DENND2A: variants seen among roughly 807,000 people sequenced by gnomAD.
DENND2A encodes DENN domain containing 2A.
In DENND2A, 53 loss-of-function variants were observed where a neutral mutation model predicts 105.3. The observed-to-expected ratio is 0.50, with a 90% CI of 0.40 to 0.63. The LOEUF (loss-of-function observed/expected upper bound fraction) is 0.63. DENND2A is among the 30% of genes least tolerant of loss of function. The pLI is 0.00. For missense variants in DENND2A, 1,138 were observed against 1,279.6 expected, an observed-to-expected ratio of 0.89 and a Z score of 1.69; for synonymous variants, 522 against 508.4, an observed-to-expected ratio of 1.03 and a Z score of -0.36.
intron 9 of DENND2A, among the ~76,000 whole-genome samples, chr7:140,566,007 A>C (rs992077856): frequency 9.2e-5 from 14 of 152,330 alleles, no homozygotes; most frequent in Non-Finnish European, 1.8e-4. Context: ...GCATATAATC[A>C]AGAAATAACC....
In DENND2A at chr7:140,583,924, TCG is replaced by T. The variant is rs1798659995; in HGVS notation, c.1245+1663_1245+1664del. 2.0e-4 allele frequency among the ~76,000 whole-genome samples: 18 copies of T among 91,772 alleles called. 1 individual carries two copies. The South Asian group carries it at 5.7e-3, about 29-fold the overall frequency. The allele number at this position is 91,772 out of a possible 152,430, so 60.2% of individuals were successfully genotyped here. A position where few individuals can be genotyped will look rare whatever the true frequency, so the allele number is the denominator to read the frequency against. On this transcript the variant is annotated intron_variant, in intron 5 of 19. Transcript: ENST00000496613. ...CTGGGCGACAGAGCAAGACTCCGTC[TCG>T]AAAAAAAAAAAAAAAGTCAAATTTC...
At chr7:140,554,082 CG>C (rs1438626943) in intron 12 of DENND2A, among the ~76,000 whole-genome samples, 1 of 151,782 alleles carries the variant, frequency 6.6e-6, no homozygotes, top group African/African-American at 2.4e-5. Context: ...AAAAATTAGC[CG>C]GGTGTGGTGG....
chr7:140,595,131 C>T (rs1367015421), intron 3 of DENND2A, among the ~76,000 whole-genome samples: 3 of 152,058 alleles, frequency 2.0e-5, no homozygotes, highest in Non-Finnish European at 4.4e-5. Flanking sequence ...CTCAGCCTCC[C>T]GAGGAGCTGG....
chr7:140,536,181 C>T (rs1347240604), intron 14 of DENND2A, among the ~76,000 whole-genome samples: 4 of 152,052 alleles, frequency 2.6e-5, no homozygotes, highest in Admixed American at 6.6e-5. Flanking sequence ...AGTGAAACCC[C>T]GTCTCTACTA....
chr7:140,601,823 G>A lies in DENND2A; in HGVS notation c.575C>T (p.Pro192Leu), dbSNP rs950949983. 1.2e-6 allele frequency: 2 copies of A among 1,614,174 alleles called. No individual in the cohort carries two copies. Among genetic ancestry groups the A allele is most frequent in the Admixed American group, 3.3e-5 (2 of 60,030 alleles). ...GGTGGACCCTGCCTCTGCCTTGTCAGGAGGGCAGTGTGGGGAGTAACAAGT... is the reference window on the plus strand; with the variant it reads ...GGTGGACCCTGCCTCTGCCTTGTCAAGAGGGCAGTGTGGGGAGTAACAAGT... ...PGTCYSPHCP[P>L]DKAEAGSTLP... The change falls in exon 3 of 20, where the codon CCT becomes CTT. Residue 192 changes from proline to leucine, a missense_variant. This residue lies in a region of DENND2A where 511 missense variants were observed against 499.9 expected (regional missense o/e 1.02). Transcript: ENST00000496613.
intron 1 of DENND2A, among the ~76,000 whole-genome samples, chr7:140,616,824 T>A (rs938641484): frequency 2.6e-5 from 4 of 152,168 alleles, no homozygotes; most frequent in African/African-American, 9.6e-5. Flanking sequence ...TCAGTCAGCA[T>A]CAGAAATACT....
At position 140,527,622 on chromosome 7, in the gene DENND2A, G is replaced by C; in HGVS notation, c.2328-127C>G. 9.8e-7 allele frequency: 1 copy of C among 1,022,728 alleles called. No individual in the cohort carries two copies. Among genetic ancestry groups the C allele is most frequent in the Non-Finnish European group, 1.4e-6 (1 of 719,380 alleles). The allele number at this position is 1,022,728 out of a possible 1,614,324, so 63.4% of individuals were successfully genotyped here. A position where few individuals can be genotyped will look rare whatever the true frequency, so the allele number is the denominator to read the frequency against. On this transcript the variant is annotated intron_variant, in intron 14 of 19. Coordinates refer to ENST00000496613, the MANE Select transcript of DENND2A (RefSeq NM_015689.5). The surrounding 1 kb of genome is among the most constrained non-coding windows in gnomAD (Gnocchi z 4.9). ...GACACACGTGGATGTGGATCCGGTG[G>C]AGCACATGATGGTCTCAGCACAGGC...
Position 140,527,478 on chromosome 7 carries a change from C to A in DENND2A, c.2345G>T (p.Cys782Phe). 6.2e-7 allele frequency: 1 copy of A among 1,604,766 alleles called. No homozygotes were observed. Among genetic ancestry groups the A allele is most frequent in the South Asian group, 1.1e-5 (1 of 89,642 alleles). The change falls in exon 15 of 20, where the codon TGC becomes TTC. Residue 782 changes from cysteine to phenylalanine, a missense_variant. Cys to Phe is a radical substitution (Grantham distance 205). This residue lies in a region of DENND2A where 627 missense variants were observed against 779.8 expected (regional missense o/e 0.80). Coordinates refer to ENST00000496613, the MANE Select transcript of DENND2A (RefSeq NM_015689.5). The surrounding 1 kb of genome is among the most constrained non-coding windows in gnomAD (Gnocchi z 4.9). ...GTAGATCAGCGCCACCATCGCGTGG[C>A]AGCACTTGGACAGGATGCTGCAGCC... ...ADKLSILSKCCHAMVALIYPF... is the reference protein window; with the variant it reads ...ADKLSILSKCFHAMVALIYPF...
intron 16 of DENND2A, among the ~76,000 whole-genome samples, chr7:140,524,530 G>GCACA (rs771973166): frequency 2.0e-5 from 3 of 151,596 alleles, no homozygotes; most frequent in Non-Finnish European, 4.4e-5. Flanking sequence ...GTGCGTGCGC[G>GCACA]CACACACGCA....
At chr7:140,541,977 T>A (rs1447761476) in intron 14 of DENND2A, among the ~76,000 whole-genome samples, 1 of 152,166 alleles carries the variant, frequency 6.6e-6, no homozygotes, top group East Asian at 1.9e-4. Context: ...CATTCTTCTA[T>A]GCCTTTTTTT....
chr7:140,574,618 C>A (rs1458805627), intron 5 of DENND2A, among the ~76,000 whole-genome samples: 1 of 152,246 alleles, frequency 6.6e-6, no homozygotes, highest in African/African-American at 2.4e-5. Context: ...CTAGGGGTTA[C>A]AAGGCCTAAG....
At chr7:140,634,447 T>C (rs1265609400) in intron 1 of DENND2A, among the ~76,000 whole-genome samples, 1 of 152,256 alleles carries the variant, frequency 6.6e-6, no homozygotes, top group African/African-American at 2.4e-5. Flanking sequence ...ACACTGGTTT[T>C]GCCCCGAATA....
At position 140,559,678 on chromosome 7, in the gene DENND2A, G is replaced by A. The variant is rs1448578166; in HGVS notation, c.1889+30C>T. The A allele has an allele frequency of 1.3e-6, 2 of 1,531,224 alleles. No homozygotes were observed. 94.9% of individuals were successfully genotyped at this position (1,531,224 alleles called of 1,614,324 possible). On this transcript the variant is annotated intron_variant, in intron 10 of 19. Coordinates refer to ENST00000496613, the MANE Select transcript of DENND2A (RefSeq NM_015689.5). This position sits in a 1 kb window ranked among gnomAD's most constrained non-coding sequence, Gnocchi z 4.1. ...TCTCTAAGTCTCGCCTTAGTCTTTG[G>A]GGCTGCGAAGGGGAGAAGCCAGCTC...
chr7:140,519,917 A>G (rs946573470), intron 18 of DENND2A, among the ~76,000 whole-genome samples, 199 bp from the exon 19 acceptor site: 1 of 152,180 alleles, frequency 6.6e-6, no homozygotes, highest in African/African-American at 2.4e-5. Context: ...CTCCCTTTGG[A>G]AAGCTATAAA....
intron 18 of DENND2A, 27 bp from the exon 19 acceptor site, chr7:140,519,745 T>C (rs767832417): frequency 1.2e-6 from 2 of 1,606,464 alleles, no homozygotes; most frequent in African/African-American, 2.7e-5. Flanking sequence ...TCCCAGCCAT[T>C]TGAGTTCTTG....
intron 14 of DENND2A, among the ~76,000 whole-genome samples, chr7:140,536,720 A>T (rs555602900): frequency 6.6e-6 from 1 of 152,222 alleles, no homozygotes; most frequent in South Asian, 2.1e-4. Flanking sequence ...GCTGCAGTAT[A>T]GTCGTGCCAT....
At chr7:140,606,152 T>A (rs774908908) in intron 1 of DENND2A, among the ~76,000 whole-genome samples, 69 of 152,276 alleles carry the variant, frequency 4.5e-4, no homozygotes, top group Middle Eastern at 3.4e-3. Flanking sequence ...GTGATTCTCG[T>A]GCCTCAGCCT....
intron 1 of DENND2A, among the ~76,000 whole-genome samples, chr7:140,609,237 G>T (rs1286593104): frequency 1.3e-5 from 2 of 152,184 alleles, no homozygotes; most frequent in Non-Finnish European, 1.5e-5. Flanking sequence ...AACTGGCTGG[G>T]CATGGTGGCT....
intron 12 of DENND2A, among the ~76,000 whole-genome samples, chr7:140,555,229 G>A (rs1316547163): frequency 2.0e-5 from 3 of 151,740 alleles, no homozygotes; most frequent in South Asian, 4.2e-4. Context: ...CGCCTCCCGG[G>A]TTCAAGTGAT....
Sources: allele counts gnomAD v4.1 joint callset (sites outside exome capture counted in the v4.1 genomes callset), GRCh38; gene constraint gnomAD v4.1.1; regional missense constraint gnomAD v4.1.1; non-coding constraint Gnocchi (gnomAD v3.1); transcripts MANE v1.5; gene names NCBI Gene and HGNC (gene_info 2026-07-23, HGNC 2026-07-21).